The following PRKDC variants were observed in gnomAD, a reference collection of about 807,000 sequenced individuals.
PRKDC encodes DNA-dependent protein kinase catalytic subunit.
Under a neutral mutation model 486.9 loss-of-function variants are expected in PRKDC, and 82 were observed. The observed-to-expected ratio is 0.17, with a 90% CI of 0.14 to 0.20. The LOEUF is 0.20. Ranked by LOEUF, PRKDC falls within the 10% of genes least tolerant of loss-of-function variation. The pLI is 1.00. For missense variants in PRKDC, 4,504 were observed against 5,038.2 expected, an observed-to-expected ratio of 0.89 and a Z score of 3.21; for synonymous variants, 1,895 against 1,837.0, an observed-to-expected ratio of 1.03 and a Z score of -0.81.
chr8:47,855,109 A>T, intron 50 of PRKDC, 113 bp downstream of exon 50: 1 of 1,120,262 alleles, frequency 8.9e-7, no homozygotes, highest in Non-Finnish European at 1.2e-6. Context: ...ACAATAAATT[A>T]TTTTCTTCCT....
In PRKDC at chr8:47,773,254, C is replaced by A. The variant is rs2086551563; in HGVS notation, c.*919G>T. On this transcript the variant is annotated 3_prime_UTR_variant, in exon 86 of 86. Coordinates refer to ENST00000314191, the MANE Select transcript of PRKDC (RefSeq NM_006904.7). ...AAACAGTTTGGGTGTGGAGGACTGGCGGGGGGGGACAGGGACTGCACATGG... is the reference window on the plus strand; with the variant it reads ...AAACAGTTTGGGTGTGGAGGACTGGAGGGGGGGGACAGGGACTGCACATGG... The A allele has an allele frequency of 9.0e-6, 2 of 223,324 alleles. No individual in the cohort carries two copies. Among genetic ancestry groups the A allele is most frequent in the East Asian group, 6.5e-5 (1 of 15,404 alleles). The allele number at this position is 223,324 out of a possible 1,614,324, so 13.8% of individuals were successfully genotyped here.
chr8:47,948,098 GCACACACACACA>G (rs141437463), intron 7 of PRKDC, among the ~76,000 whole-genome samples: 3 of 140,194 alleles, frequency 2.1e-5, no homozygotes, highest in African/African-American at 7.8e-5. Context: ...AAATATATTT[GCACACACACACA>G]CACACACACA....
chr8:47,940,870 G>A (rs371275139), intron 10 of PRKDC, among the ~76,000 whole-genome samples: 3 of 152,128 alleles, frequency 2.0e-5, no homozygotes, highest in Admixed American at 1.3e-4. Context: ...TTGGCCGGGC[G>A]CAGTAGCTCA....
intron 48 of PRKDC, among the ~76,000 whole-genome samples, 194 bp from the exon 49 acceptor site, chr8:47,857,493 G>A (rs2088571885): frequency 6.6e-6 from 1 of 152,186 alleles, no homozygotes; most frequent in Non-Finnish European, 1.5e-5. Context: ...TATTAAAAGA[G>A]GAAATCAGGA....
chr8:47,858,972 G>C lies in PRKDC; in HGVS notation c.6222C>G (p.Pro2074=). ...GCTCCAGCACATCATCATGCACCGTGGGGTCCCGCTGCTCCTGCGAAAGGG... is the reference window on the plus strand; with the variant it reads ...GCTCCAGCACATCATCATGCACCGTCGGGTCCCGCTGCTCCTGCGAAAGGG... ...GRFRRREQRD[P]TVHDDVLELE... Residue 2074 remains proline (P), a synonymous_variant, in exon 47 of 86, where the codon CCC becomes CCG. Coordinates refer to ENST00000314191, the MANE Select transcript of PRKDC (RefSeq NM_006904.7). 6.2e-7 allele frequency: 1 copy of C among 1,613,064 alleles called. No individual in the cohort carries two copies. Among genetic ancestry groups the C allele is most frequent in the South Asian group, 1.1e-5 (1 of 91,080 alleles).
intron 54 of PRKDC, among the ~76,000 whole-genome samples, chr8:47,846,674 G>T (rs922910468): frequency 6.6e-6 from 1 of 152,082 alleles, no homozygotes; most frequent in African/African-American, 2.4e-5. Flanking sequence ...GCAAGAGAAA[G>T]AAATAAAACA....
intron 83 of PRKDC, 123 bp from the exon 84 acceptor site, chr8:47,777,997 C>G: frequency 4.3e-6 from 4 of 933,056 alleles, no homozygotes; most frequent in Non-Finnish European, 6.5e-6. Flanking sequence ...ACTCTGCTTC[C>G]CTTGAAATCA....
At position 47,957,276 on chromosome 8, in the gene PRKDC, A is replaced by C. The variant is rs371409970; in HGVS notation, c.232-13T>G. ...TACATTCACGAAACTGTAATGAAAG[A>C]GATACATATTGTAAATATGGGTAAG... On this transcript the variant is annotated splice_polypyrimidine_tract_variant and intron_variant, in intron 2 of 85. Transcript: ENST00000314191. The C allele has an allele frequency of 1.3e-6, 2 of 1,585,004 alleles. No homozygotes were observed. The highest frequency in any genetic ancestry group is 1.1e-5 in the South Asian group (1 of 89,386).
chr8:47,932,379 G>C (rs969425591), intron 16 of PRKDC, among the ~76,000 whole-genome samples: 1 of 152,074 alleles, frequency 6.6e-6, no homozygotes, highest in African/African-American at 2.4e-5. Context: ...CACCGCGCCT[G>C]GCCTTTTTTT....
chr8:47,898,608 T>C (rs776529736), intron 28 of PRKDC, 39 bp from the exon 29 acceptor site: 1 of 1,177,378 alleles, frequency 8.5e-7, no homozygotes, highest in African/African-American at 1.6e-5. Context: ...AAAGAAGGCA[T>C]ATATAGCTGA....
At chr8:47,891,483 G>T (rs2089454926) in intron 31 of PRKDC, among the ~76,000 whole-genome samples, 1 of 152,166 alleles carries the variant, frequency 6.6e-6, no homozygotes, top group Non-Finnish European at 1.5e-5. Context: ...CACTTTGGGA[G>T]GCCGAGGCAG....
intron 28 of PRKDC, 93 bp from the exon 29 acceptor site, chr8:47,898,662 A>G (rs2089626294): frequency 1.4e-6 from 1 of 724,620 alleles, no homozygotes; most frequent in Admixed American, 3.9e-5. Flanking sequence ...CTAATTTTTA[A>G]CTGAAAAGGT....
chr8:47,797,681 C>A (rs1314429594), intron 73 of PRKDC, among the ~76,000 whole-genome samples: 1 of 152,178 alleles, frequency 6.6e-6, no homozygotes, highest in African/African-American at 2.4e-5. Flanking sequence ...CAGACAGAGC[C>A]CAAAGGACAG....
chr8:47,857,258 C>A lies in PRKDC; in HGVS notation c.6507G>T (p.Leu2169=). The A allele has an allele frequency of 1.2e-6, 2 of 1,613,916 alleles. No individual in the cohort carries two copies. The highest frequency in any genetic ancestry group is 1.7e-6 in the Non-Finnish European group (2 of 1,179,814). ...CATTGTTTTCAGAAGCAGCCAGCTG[C>A]AGCAAGGGGCTAAGCCAGTGCTTCG... ...PYAKHWLSPL[L]QLAASENNGG... Residue 2169 remains leucine (L), a synonymous_variant, in exon 49 of 86, where the codon CTG becomes CTT. Transcript: ENST00000314191.
intron 54 of PRKDC, among the ~76,000 whole-genome samples, chr8:47,843,178 A>G (rs1387968981): frequency 6.6e-6 from 1 of 152,146 alleles, no homozygotes; most frequent in Non-Finnish European, 1.5e-5. Flanking sequence ...AAAACAAAAC[A>G]AAGGAAAAGA....
In PRKDC at chr8:47,873,649, T is replaced by C. The variant is rs141712700; in HGVS notation, c.5363+4075A>G. 7.9e-5 allele frequency among the ~76,000 whole-genome samples: 12 copies of C among 152,276 alleles called. No individual in the cohort carries two copies. The Middle Eastern group carries it at 0.01, about 129-fold the overall frequency. ...AACAGACAAATGGATAAAGAAAATA[T>C]ACACAGTGGAGTACTATCCAGCCAT... On this transcript the variant is annotated intron_variant, in intron 40 of 85. Coordinates refer to ENST00000314191, the MANE Select transcript of PRKDC (RefSeq NM_006904.7).
At chr8:47,803,632 A>G (rs1288280347) in intron 69 of PRKDC, among the ~76,000 whole-genome samples, 152 bp from the exon 70 acceptor site, 1 of 152,144 alleles carries the variant, frequency 6.6e-6, no homozygotes, top group Non-Finnish European at 1.5e-5. Flanking sequence ...TAAATTTATC[A>G]CTGGGATATA....
chr8:47,801,235 C>T (rs997415396), intron 70 of PRKDC, among the ~76,000 whole-genome samples: 3 of 152,074 alleles, frequency 2.0e-5, no homozygotes, highest in African/African-American at 7.2e-5. Flanking sequence ...CCATGCCCGG[C>T]TATTTTTTGT....
chr8:47,780,886 C>A (rs1456992755), intron 80 of PRKDC, among the ~76,000 whole-genome samples: 1 of 151,826 alleles, frequency 6.6e-6, no homozygotes. Context: ...CACAGTGAGC[C>A]GAGATCACGC....
Sources: allele counts gnomAD v4.1 joint callset (sites outside exome capture counted in the v4.1 genomes callset), GRCh38; gene constraint gnomAD v4.1.1; transcripts MANE v1.5; gene names NCBI Gene and HGNC (gene_info 2026-07-23, HGNC 2026-07-21).